SUMO3: variants seen among roughly 807,000 people sequenced by gnomAD.
The protein encoded by SUMO3 is small ubiquitin-related modifier 3.
Under a neutral mutation model 11.1 loss-of-function variants are expected in SUMO3, and 2 were observed. The ratio of observed to expected loss-of-function variants is 0.18; its 90% CI spans 0.07 to 0.57. SUMO3 has a LOEUF of 0.57. Among genes scored for constraint, SUMO3 ranks in the 20% least tolerant of loss-of-function variants. SUMO3 has a pLI of 0.92. For synonymous variants in SUMO3, 56 were observed against 53.5 expected (o/e 1.05, Z -0.20); for missense variants, 70 against 132.8 (o/e 0.53, Z 2.32).
chr21:44,807,591 A>G lies in SUMO3; in HGVS notation c.223-551T>C, dbSNP rs2083185314. On this transcript the variant is annotated intron_variant, in intron 3 of 3. Transcript: ENST00000332859. The surrounding 1 kb of genome is among the most constrained non-coding windows in gnomAD (Gnocchi z 4.3). The stretch of plus-strand genomic sequence containing the variant: ...ACCCCCGCTCACTTCTCTCCTCCTG[A>G]CACAGTGGGCGCAAAACACCCACCC... Among the ~76,000 whole-genome samples the G allele has an allele frequency of 6.6e-6, 1 of 152,014 alleles. No individual in the cohort carries two copies. Among genetic ancestry groups the G allele is most frequent in the African/African-American group, 2.4e-5 (1 of 41,378 alleles).
At chr21:44,814,293 C>A (rs2083231134) in intron 1 of SUMO3, among the ~76,000 whole-genome samples, 189 bp from the exon 2 acceptor site, 1 of 152,192 alleles carries the variant, frequency 6.6e-6, no homozygotes, top group Admixed American at 6.5e-5. Context: ...TTAACTTCCA[C>A]TTGTTAAGCA....
chr21:44,814,356 G>GA (rs1031550967), intron 1 of SUMO3, among the ~76,000 whole-genome samples: 4 of 152,056 alleles, frequency 2.6e-5, no homozygotes, highest in African/African-American at 9.6e-5. Context: ...TTAATTCAAA[G>GA]AAAAAAACAA....
chr21:44,816,336 C>T (rs1004442332), intron 1 of SUMO3, among the ~76,000 whole-genome samples: 3 of 152,156 alleles, frequency 2.0e-5, no homozygotes, highest in Non-Finnish European at 4.4e-5. Flanking sequence ...TCACTGGAGT[C>T]AAAATGTAAA....
At chr21:44,813,026 A>C (rs1323355855) in intron 2 of SUMO3, among the ~76,000 whole-genome samples, 1 of 152,232 alleles carries the variant, frequency 6.6e-6, no homozygotes, top group African/African-American at 2.4e-5. Flanking sequence ...CTCAGCAAAC[A>C]CAAAGAAAGG....
At chr21:44,812,134 G>A (rs1185169189) in intron 2 of SUMO3, among the ~76,000 whole-genome samples, 1 of 126,152 alleles carries the variant, frequency 7.9e-6, no homozygotes, top group African/African-American at 3.0e-5. Flanking sequence ...TCAGCTCCCT[G>A]CAGCCTCCAC....
chr21:44,814,125 TG>T (rs749856925), intron 1 of SUMO3, 21 bp from the exon 2 acceptor site: 4 of 1,604,890 alleles, frequency 2.5e-6, no homozygotes. Context: ...CACCAGAGAC[TG>T]GCCTCAAAAC....
intron 2 of SUMO3, among the ~76,000 whole-genome samples, chr21:44,812,173 C>T (rs1246319214): frequency 1.3e-5 from 2 of 151,584 alleles, no homozygotes; most frequent in Admixed American, 6.6e-5. Context: ...CCTCCCACCT[C>T]AGCCTCCTGA....
chr21:44,816,955 A>G (rs572025056), intron 1 of SUMO3, among the ~76,000 whole-genome samples: 1 of 106,784 alleles, frequency 9.4e-6, no homozygotes, highest in Non-Finnish European at 1.9e-5. Flanking sequence ...GGGTGGACGC[A>G]CACTGGGGGT....
intron 1 of SUMO3, among the ~76,000 whole-genome samples, chr21:44,817,708 G>A (rs989242554): frequency 6.6e-6 from 1 of 150,844 alleles, no homozygotes; most frequent in Non-Finnish European, 1.5e-5. Context: ...GGGAGGAGAC[G>A]GGCGTGGAGC....
chr21:44,806,765 A>C lies in SUMO3; in HGVS notation c.*186T>G. ...CAAAGATAACAATTCTGATTGGCCC[A>C]ATTTAAGTTACAGATTCATCCCTGC... is the stretch of plus-strand genomic sequence containing the variant. On this transcript the variant is annotated 3_prime_UTR_variant, in exon 4 of 4. Transcript: ENST00000332859. The C allele has an allele frequency of 7.3e-7, 1 of 1,370,186 alleles. No individual in the cohort carries two copies. The highest frequency in any genetic ancestry group is 2.7e-5 in the East Asian group (1 of 36,952). 84.9% of individuals were successfully genotyped at this position (1,370,186 alleles called of 1,614,324 possible).
At chr21:44,808,300 CAGG>C (rs1469893317) in intron 3 of SUMO3, 1 of 324,800 alleles carries the variant, frequency 3.1e-6, no homozygotes, top group Non-Finnish European at 5.6e-6. Flanking sequence ...ATCACAAGGT[CAGG>C]AGATCGAGAC....
At position 44,811,017 on chromosome 21, in the gene SUMO3, T is replaced by TGCACACACGCACACACCCACATAG. The variant is rs2083207990; in HGVS notation, c.151-1900_151-1899insCTATGTGGGTGTGTGCGTGTGTGC. Among the ~76,000 whole-genome samples, 1 of 78,172 alleles carries TGCACACACGCACACACCCACATAG rather than the reference T, an allele frequency of 1.3e-5. No homozygotes were observed. The highest frequency in any genetic ancestry group is 5.0e-5 in the African/African-American group (1 of 19,844). 51.3% of individuals were successfully genotyped at this position (78,172 alleles called of 152,430 possible). ...ACCCACACATGCACACACCCACATA[T>TGCACACACGCACACACCCACATAG]GCACACACGCACACACCCACATACA... On this transcript the variant is annotated intron_variant, in intron 2 of 3. Coordinates refer to ENST00000332859, the MANE Select transcript of SUMO3 (RefSeq NM_006936.3). This position sits in a 1 kb window ranked among gnomAD's most constrained non-coding sequence, Gnocchi z 5.0.
Position 44,810,980 on chromosome 21 carries a change from A to C in SUMO3, c.151-1862T>G, listed in dbSNP as rs2083206923. Among the ~76,000 whole-genome samples, 1 of 149,112 alleles carries C rather than the reference A, an allele frequency of 6.7e-6. No homozygotes were observed. The highest frequency in any genetic ancestry group is 1.5e-5 in the Non-Finnish European group (1 of 66,692). On this transcript the variant is annotated intron_variant, in intron 2 of 3. Coordinates refer to ENST00000332859, the MANE Select transcript of SUMO3 (RefSeq NM_006936.3). The surrounding 1 kb of genome is among the most constrained non-coding windows in gnomAD (Gnocchi z 4.1). ...CCCACACATGCACACCCATGCACAC[A>C]CCCATGCACACACCCACACATGCAC...
rs376849017 is a variant in SUMO3 at position 44,810,526 on chromosome 21, C to G, written c.151-1408G>C. Among the ~76,000 whole-genome samples, 10 of 152,272 alleles carry G rather than the reference C, an allele frequency of 6.6e-5. No individual in the cohort carries two copies. The South Asian group carries it at 1.9e-3, about 28-fold the overall frequency. ...GATGTGCTTTCTGAGAAGGTGGGTG[C>G]GGAGCTCCAGGCGCAGGGCGGAAAC... On this transcript the variant is annotated intron_variant, in intron 2 of 3. Transcript: ENST00000332859. This position sits in a 1 kb window ranked among gnomAD's most constrained non-coding sequence, Gnocchi z 4.1.
In SUMO3 at chr21:44,807,220, G is replaced by A. The variant is rs181548221; in HGVS notation, c.223-180C>T. ...CAGCACGCATGGAAGAGGCATTGCTGTATGCTCACTACAGCCCTTACGGTT... is the reference window on the plus strand; with the variant it reads ...CAGCACGCATGGAAGAGGCATTGCTATATGCTCACTACAGCCCTTACGGTT... On this transcript the variant is annotated intron_variant, in intron 3 of 3. Transcript: ENST00000332859. The surrounding 1 kb of genome is among the most constrained non-coding windows in gnomAD (Gnocchi z 4.3). Among the ~76,000 whole-genome samples, 205 of 152,268 alleles carry A rather than the reference G, an allele frequency of 1.3e-3. 4 individuals are homozygous for A. The highest frequency in any genetic ancestry group is 3.4e-3 in the Middle Eastern group (1 of 294).
rs1469014462 is a variant in SUMO3 at position 44,818,041 on chromosome 21, G to A, written c.-73C>T. The A allele has an allele frequency of 7.1e-6, 8 of 1,126,100 alleles. No homozygotes were observed. Among genetic ancestry groups the A allele is most frequent in the African/African-American group, 4.9e-5 (3 of 61,028 alleles). The allele number at this position is 1,126,100 out of a possible 1,614,324, so 69.8% of individuals were successfully genotyped here. ...GCGGGCGAGTCACGCTCTCGGCCCC[G>A]CCGCTCTCCCGCCGCAACTGTGCGC... On this transcript the variant is annotated 5_prime_UTR_variant, in exon 1 of 4. Coordinates refer to ENST00000332859, the MANE Select transcript of SUMO3 (RefSeq NM_006936.3).
In SUMO3 at chr21:44,806,816, A is replaced by G; in HGVS notation, c.*135T>C. The G allele has an allele frequency of 6.8e-7, 1 of 1,462,322 alleles. No individual in the cohort carries two copies. The allele number at this position is 1,462,322 out of a possible 1,614,324, so 90.6% of individuals were successfully genotyped here. A position where few individuals can be genotyped will look rare whatever the true frequency, so the allele number is the denominator to read the frequency against. On this transcript the variant is annotated 3_prime_UTR_variant, in exon 4 of 4. Coordinates refer to ENST00000332859, the MANE Select transcript of SUMO3 (RefSeq NM_006936.3). Reference sequence around the variant, plus strand: ...AGATATAGTTTTGAGTTGCACTTGAAGTACATCAAAGAGAGGAAAATCATC... The same window carrying G: ...AGATATAGTTTTGAGTTGCACTTGAGGTACATCAAAGAGAGGAAAATCATC...
intron 1 of SUMO3, among the ~76,000 whole-genome samples, chr21:44,817,415 T>C (rs2146429197): frequency 6.6e-6 from 1 of 152,112 alleles, no homozygotes; most frequent in South Asian, 2.1e-4. Flanking sequence ...AGGACGGCAG[T>C]GCTGCTCACA....
Position 44,814,193 on chromosome 21 carries a change from T to C in SUMO3, c.22-89A>G, listed in dbSNP as rs2083230529. The C allele has an allele frequency of 1.9e-6, 3 of 1,543,044 alleles. No individual in the cohort carries two copies. The Admixed American group carries it at 5.4e-5, about 28-fold the overall frequency. On this transcript the variant is annotated intron_variant, in intron 1 of 3. Transcript: ENST00000332859. Reference sequence around the variant, plus strand: ...CAAGTCTTTAGGTAATTGTTGGCTTTTTAAAGTCATCAAAACCAACCTAAT... The same window carrying C: ...CAAGTCTTTAGGTAATTGTTGGCTTCTTAAAGTCATCAAAACCAACCTAAT...
Sources: allele counts gnomAD v4.1 joint callset (sites outside exome capture counted in the v4.1 genomes callset), GRCh38; gene constraint gnomAD v4.1.1; non-coding constraint Gnocchi (gnomAD v3.1); transcripts MANE v1.5; gene names NCBI Gene and HGNC (gene_info 2026-07-23, HGNC 2026-07-21).